The following TACR1 variants were observed in gnomAD, a reference collection of about 807,000 sequenced individuals.
TACR1 encodes the protein tachykinin receptor 1, also known as substance-P receptor.
TACR1 carries 25 observed loss-of-function variants against 35.8 expected under a neutral mutation model. The ratio of observed to expected loss-of-function variants is 0.70; its 90% CI spans 0.51 to 0.98. The LOEUF is 0.98. Ranked by LOEUF, TACR1 falls within the 50% of genes least tolerant of loss-of-function variation. The pLI, the probability that TACR1 is intolerant of heterozygous loss-of-function variation, is 0.00. For missense variants in TACR1, 478 were observed against 522.9 expected (o/e 0.91, Z 0.84); for synonymous variants, 195 against 206.7 (o/e 0.94, Z 0.48).
At chr2:75,134,244 T>C (rs779555118) in intron 1 of TACR1, among the ~76,000 whole-genome samples, 1 of 152,214 alleles carries the variant, frequency 6.6e-6, no homozygotes, top group African/African-American at 2.4e-5. Flanking sequence ...CTGAATTCTT[T>C]CTTGCACAAG....
At chr2:75,092,937 A>G (rs1353108100) in intron 2 of TACR1, among the ~76,000 whole-genome samples, 2 of 152,212 alleles carry the variant, frequency 1.3e-5, no homozygotes, top group African/African-American at 4.8e-5. Flanking sequence ...AAATAAGAAA[A>G]TTCCTGATCA....
At chr2:75,121,841 T>C (rs1047640774) in intron 1 of TACR1, among the ~76,000 whole-genome samples, 3 of 152,210 alleles carry the variant, frequency 2.0e-5, no homozygotes, top group African/African-American at 7.2e-5. Context: ...CAGGTGTCTC[T>C]GACGTCCATG....
chr2:75,161,804 T>TA (rs1354146190), intron 1 of TACR1, among the ~76,000 whole-genome samples: 1 of 151,940 alleles, frequency 6.6e-6, no homozygotes, highest in Admixed American at 6.6e-5. Flanking sequence ...ATGGACTTCC[T>TA]AAAAAAACTA....
chr2:75,077,753 G>A (rs572254006), intron 2 of TACR1, among the ~76,000 whole-genome samples: 4 of 152,226 alleles, frequency 2.6e-5, no homozygotes, highest in South Asian at 4.1e-4. Context: ...AGAATTTAGG[G>A]GCATCCTTGG....
intron 1 of TACR1, among the ~76,000 whole-genome samples, chr2:75,121,314 C>G (rs1673966903): frequency 6.6e-6 from 1 of 152,206 alleles, no homozygotes; most frequent in Non-Finnish European, 1.5e-5. Context: ...CTGGAGAAAT[C>G]TTCATCAATT....
At chr2:75,119,551 A>G (rs1396156211) in intron 2 of TACR1, among the ~76,000 whole-genome samples, 1 of 152,248 alleles carries the variant, frequency 6.6e-6, no homozygotes, top group African/African-American at 2.4e-5. Context: ...ATTGTGGCTC[A>G]CTTGAGCAGA....
chr2:75,096,871 C>T (rs1007770670), intron 2 of TACR1, among the ~76,000 whole-genome samples: 1 of 152,310 alleles, frequency 6.6e-6, no homozygotes, highest in South Asian at 2.1e-4. Flanking sequence ...AGATCCTCCT[C>T]AGACCCAGGG....
chr2:75,153,046 C>T (rs556492122), intron 1 of TACR1, among the ~76,000 whole-genome samples: 49 of 152,270 alleles, frequency 3.2e-4, no homozygotes, highest in African/African-American at 9.4e-4. Flanking sequence ...GGACTACAGG[C>T]GTGCACCACC....
At chr2:75,135,293 T>C (rs1212091855) in intron 1 of TACR1, among the ~76,000 whole-genome samples, 1 of 152,216 alleles carries the variant, frequency 6.6e-6, no homozygotes, top group Non-Finnish European at 1.5e-5. Flanking sequence ...GAAATAAGGA[T>C]TGATAGTATT....
At chr2:75,104,925 G>T (rs1188246640) in intron 2 of TACR1, among the ~76,000 whole-genome samples, 1 of 151,866 alleles carries the variant, frequency 6.6e-6, no homozygotes, top group Non-Finnish European at 1.5e-5. Context: ...GAATACTTGT[G>T]CATGGTTGAT....
chr2:75,100,583 A>C (rs1341223954), intron 2 of TACR1, among the ~76,000 whole-genome samples: 1 of 152,184 alleles, frequency 6.6e-6, no homozygotes, highest in Non-Finnish European at 1.5e-5. Flanking sequence ...GATTTATTGC[A>C]GCACTAACTA....
chr2:75,128,613 G>T (rs1282138314), intron 1 of TACR1, among the ~76,000 whole-genome samples: 3 of 152,200 alleles, frequency 2.0e-5, no homozygotes, highest in Admixed American at 2.0e-4. Context: ...GTGGGACTGG[G>T]GTTGGGAGTG....
At chr2:75,086,238 A>G (rs1673185789) in intron 2 of TACR1, among the ~76,000 whole-genome samples, 1 of 152,128 alleles carries the variant, frequency 6.6e-6, no homozygotes, top group Non-Finnish European at 1.5e-5. Context: ...GACTGAGAGC[A>G]TAGCCCTAGG....
chr2:75,135,345 A>C (rs1048766656), intron 1 of TACR1, among the ~76,000 whole-genome samples: 3 of 152,236 alleles, frequency 2.0e-5, no homozygotes, highest in Non-Finnish European at 4.4e-5. Context: ...GCATGAAGGG[A>C]CTAGACAAAT....
Position 75,198,533 on chromosome 2 carries a change from A to C in TACR1, c.389+13T>G, listed in dbSNP as rs966105623. 6.2e-7 allele frequency: 1 copy of C among 1,605,980 alleles called. No homozygotes were observed. Among genetic ancestry groups the C allele is most frequent in the Non-Finnish European group, 8.5e-7 (1 of 1,173,330 alleles). ...TGAGCACTTTCTCGCCTTTTCACAA[A>C]GGCTAATCTCACCTATCAAAGGCCA... On this transcript the variant is annotated intron_variant, in intron 1 of 4. Transcript: ENST00000305249.
rs13002810 is a variant in TACR1, at chr2:75,144,079, A to T, written c.390-23311T>A. 3.3e-5 allele frequency among the ~76,000 whole-genome samples: 5 copies of T among 152,220 alleles called. No individual in the cohort carries two copies. In the East Asian group the frequency reaches 9.6e-4, roughly 29 times the overall value. The stretch of plus-strand genomic sequence containing the variant: ...AATTATTTTCCTAGTTTCCACGATC[A>T]TGGGGAACTTTAACTTGGCACAAAT... On this transcript the variant is annotated intron_variant, in intron 1 of 4. Transcript: ENST00000305249.
At chr2:75,083,846 T>TAGATATACAATCATGTC (rs1309288745) in intron 2 of TACR1, among the ~76,000 whole-genome samples, 23 of 152,236 alleles carry the variant, frequency 1.5e-4, no homozygotes, top group African/African-American at 5.5e-4. Context: ...TGGGGTTTTC[T>TAGATATACAATCATGTC]AGATATACAA....
At chr2:75,130,741 A>G (rs1479398751) in intron 1 of TACR1, among the ~76,000 whole-genome samples, 1 of 151,864 alleles carries the variant, frequency 6.6e-6, no homozygotes, top group Non-Finnish European at 1.5e-5. Context: ...ACCAAAAGAC[A>G]CACATCTGCT....
At chr2:75,118,860 G>C (rs1673912514) in intron 2 of TACR1, 1 of 151,956 alleles carries the variant, frequency 6.6e-6, no homozygotes, top group Non-Finnish European at 1.5e-5. Context: ...CTTCTGGCTT[G>C]AACATGTTCA....
Sources: allele counts gnomAD v4.1 joint callset (sites outside exome capture counted in the v4.1 genomes callset), GRCh38; gene constraint gnomAD v4.1.1; transcripts MANE v1.5; gene names NCBI Gene and HGNC (gene_info 2026-07-23, HGNC 2026-07-21).